Variants in SKAP2 observed in about 807,000 individuals in gnomAD.
SKAP2 encodes src kinase-associated phosphoprotein 2.
A neutral mutation model predicts 54.9 loss-of-function variants in SKAP2; 28 were observed. That is an observed-to-expected ratio of 0.51 (90% CI 0.38 to 0.70). The LOEUF is 0.70. SKAP2 is among the 30% of genes least tolerant of loss of function. SKAP2 has a pLI of 0.00. For synonymous variants in SKAP2, 137 were observed against 134.3 expected (o/e 1.02, Z -0.14); for missense variants, 356 against 424.1 (o/e 0.84, Z 1.41).
intron 4 of SKAP2, among the ~76,000 whole-genome samples, chr7:26,759,256 TATA>T (rs1330046518): frequency 6.6e-6 from 1 of 152,222 alleles, no homozygotes; most frequent in Admixed American, 6.5e-5. Context: ...TGTCAGTTTC[TATA>T]ATAGCTATGA....
intron 4 of SKAP2, chr7:26,742,475 T>C (rs1782474575): frequency 6.6e-6 from 1 of 152,130 alleles, no homozygotes; most frequent in South Asian, 2.1e-4. Flanking sequence ...TAGCGTTCAA[T>C]ATACACATAG....
chr7:26,720,544 C>T (rs956270519), intron 9 of SKAP2, among the ~76,000 whole-genome samples: 3 of 151,976 alleles, frequency 2.0e-5, no homozygotes, highest in African/African-American at 7.3e-5. Flanking sequence ...AGAGCTGAAA[C>T]CATCTGTATT....
chr7:26,858,630 C>A (rs1785222475), intron 1 of SKAP2, among the ~76,000 whole-genome samples: 1 of 152,032 alleles, frequency 6.6e-6, no homozygotes, highest in African/African-American at 2.4e-5. Flanking sequence ...ATATAGACCT[C>A]CTAAAAAACA....
chr7:26,852,090 G>A (rs923443670), intron 3 of SKAP2, among the ~76,000 whole-genome samples: 2 of 152,020 alleles, frequency 1.3e-5, no homozygotes, highest in Admixed American at 6.6e-5. Flanking sequence ...GAGACAAGAG[G>A]GAAGAGAAAG....
intron 4 of SKAP2, among the ~76,000 whole-genome samples, chr7:26,819,622 G>A (rs1784351285): frequency 6.6e-6 from 1 of 150,876 alleles, no homozygotes; most frequent in Non-Finnish European, 1.5e-5. Context: ...GTGTTCACAA[G>A]ACAAAAACCA....
intron 4 of SKAP2, among the ~76,000 whole-genome samples, chr7:26,807,530 G>A (rs1415103826): frequency 6.6e-6 from 1 of 152,216 alleles, no homozygotes; most frequent in East Asian, 1.9e-4. Context: ...CCCCAGCCAT[G>A]TGGAAATGCA....
chr7:26,704,813 G>A (rs77427852), intron 9 of SKAP2, among the ~76,000 whole-genome samples: 5 of 152,104 alleles, frequency 3.3e-5, no homozygotes, highest in Non-Finnish European at 5.9e-5. Flanking sequence ...TTCAAAGTAC[G>A]TAAGAATAAA....
At chr7:26,852,538 A>C (rs146370866) in intron 3 of SKAP2, among the ~76,000 whole-genome samples, 23 of 152,318 alleles carry the variant, frequency 1.5e-4, no homozygotes, top group Non-Finnish European at 2.6e-4. Context: ...GATTATGAGC[A>C]ATCTCTAAAT....
chr7:26,830,624 G>C (rs1263582248), intron 4 of SKAP2, among the ~76,000 whole-genome samples: 2 of 152,056 alleles, frequency 1.3e-5, no homozygotes, highest in African/African-American at 2.4e-5. Context: ...ACGAGCTCAA[G>C]AAAATAATTT....
At chr7:26,734,814 T>C (rs923700306) in intron 6 of SKAP2, among the ~76,000 whole-genome samples, 5 of 152,190 alleles carry the variant, frequency 3.3e-5, no homozygotes, top group Admixed American at 6.5e-5. Context: ...AAAGCCCTCA[T>C]GCCTTAATCA....
chr7:26,756,877 T>A (rs1782805685), intron 4 of SKAP2, among the ~76,000 whole-genome samples: 1 of 152,216 alleles, frequency 6.6e-6, no homozygotes, highest in African/African-American at 2.4e-5. Context: ...CCATTCTAAC[T>A]GGTGTGAGAT....
intron 4 of SKAP2, among the ~76,000 whole-genome samples, chr7:26,743,586 G>A (rs1399330795): frequency 6.6e-6 from 1 of 152,104 alleles, no homozygotes; most frequent in Non-Finnish European, 1.5e-5. Flanking sequence ...TTGCTTAAGT[G>A]GCCACAAACT....
chr7:26,782,658 T>A (rs998410281), intron 4 of SKAP2, among the ~76,000 whole-genome samples: 11 of 152,048 alleles, frequency 7.2e-5, no homozygotes, highest in Admixed American at 7.2e-4. Flanking sequence ...GCCATTGCAC[T>A]CTAGCCTGGG....
chr7:26,736,917 A>C (rs75859826), intron 6 of SKAP2, among the ~76,000 whole-genome samples: 1 of 152,018 alleles, frequency 6.6e-6, no homozygotes, highest in Admixed American at 6.6e-5. Context: ...AAAAAAAAAA[A>C]GGAATGTAAC....
rs548845302 is a variant in SKAP2, at chr7:26,833,170, G to A, written c.307+10860C>T. On this transcript the variant is annotated intron_variant, in intron 4 of 12. Transcript: ENST00000345317. The stretch of plus-strand genomic sequence containing the variant: ...AAAAGACACAAACTGTGAGGCGGGC[G>A]GATCACAAGGTCAGGGGATCGAGAC... 8.6e-5 allele frequency among the ~76,000 whole-genome samples: 13 copies of A among 152,036 alleles called. No individual in the cohort carries two copies. In the South Asian group the frequency reaches 1.0e-3, roughly 12 times the overall value.
chr7:26,739,223 A>T (rs1412879390), intron 5 of SKAP2, among the ~76,000 whole-genome samples: 1 of 152,204 alleles, frequency 6.6e-6, no homozygotes, highest in Non-Finnish European at 1.5e-5. Context: ...AACCTAGATT[A>T]TTTCTGTTAT....
intron 2 of SKAP2, 24 bp downstream of exon 2, chr7:26,854,761 G>T (rs757611750): frequency 6.4e-7 from 1 of 1,564,632 alleles, no homozygotes; most frequent in African/African-American, 1.4e-5. Flanking sequence ...TAAGAAATCA[G>T]TAAACAAAAG....
At position 26,864,055 on chromosome 7, in the gene SKAP2, T is replaced by TCACACACACACACACACA. The variant is rs35995014; in HGVS notation, c.67+290_67+307dup. Among the ~76,000 whole-genome samples, 351 of 143,418 alleles carry TCACACACACACACACACA rather than the reference T, an allele frequency of 2.4e-3. 3 individuals are homozygous for TCACACACACACACACACA. Among genetic ancestry groups the TCACACACACACACACACA allele is most frequent in the South Asian group, 7.6e-3 (33 of 4,352 alleles). 94.1% of individuals were successfully genotyped at this position (143,418 alleles called of 152,430 possible). ...CCACTCTTCCTCCCCCGCCCTTCTG[T>TCACACACACACACACACA]CACACACACACACACACACACACAC... is the stretch of plus-strand genomic sequence containing the variant. On this transcript the variant is annotated intron_variant, in intron 1 of 12. Coordinates refer to ENST00000345317, the MANE Select transcript of SKAP2 (RefSeq NM_003930.5).
intron 4 of SKAP2, among the ~76,000 whole-genome samples, chr7:26,754,916 A>G (rs1487261604): frequency 6.6e-6 from 1 of 152,218 alleles, no homozygotes; most frequent in Non-Finnish European, 1.5e-5. Context: ...AAAAGACTTA[A>G]AATCCAAAAG....
Sources: gnomAD v4.1 joint callset for allele counts (sites outside exome capture counted in the v4.1 genomes callset) on GRCh38, gnomAD v4.1.1 for gene constraint, MANE v1.5 for transcripts, NCBI Gene and HGNC (gene_info 2026-07-23, HGNC 2026-07-21) for gene names.